GALNT13: variants seen among roughly 807,000 people sequenced by gnomAD.
GALNT13 encodes polypeptide N-acetylgalactosaminyltransferase 13.
Under a neutral mutation model 64.2 loss-of-function variants are expected in GALNT13, and 28 were observed. The observed-to-expected ratio is 0.44, with a 90% CI of 0.32 to 0.60. The LOEUF is 0.60. Ranked by LOEUF, GALNT13 falls within the 20% of genes least tolerant of loss-of-function variation. GALNT13 has a pLI of 0.05. For missense variants in GALNT13, 577 were observed against 669.8 expected, an observed-to-expected ratio of 0.86 and a Z score of 1.53; for synonymous variants, 214 against 224.6, an observed-to-expected ratio of 0.95 and a Z score of 0.42.
intron 3 of GALNT13, among the ~76,000 whole-genome samples, chr2:153,997,436 T>A (rs926870031): frequency 6.6e-6 from 1 of 151,074 alleles, no homozygotes; most frequent in Non-Finnish European, 1.5e-5. Context: ...TTTTGGCTAT[T>A]ATAAATGGGG....
chr2:153,794,452 G>A, the GALNT13 span, among the ~76,000 whole-genome samples: 2 of 151,792 alleles, frequency 1.3e-5, no homozygotes, highest in African/African-American at 2.4e-5. Context: ...CACAATTGTG[G>A]TTAAAAATTT....
the GALNT13 span, among the ~76,000 whole-genome samples, chr2:153,338,005 T>C: frequency 9.2e-5 from 14 of 152,328 alleles, no homozygotes; most frequent in Admixed American, 8.5e-4. Flanking sequence ...TACCGTATAA[T>C]CATTATCAAA....
intron 4 of GALNT13, among the ~76,000 whole-genome samples, chr2:154,190,962 T>C (rs180908124): frequency 3.3e-5 from 5 of 152,340 alleles, no homozygotes; most frequent in Admixed American, 3.3e-4. Flanking sequence ...TTATACTTAA[T>C]GGACATCTCA....
At chr2:154,396,574 A>C (rs916114970) in intron 10 of GALNT13, among the ~76,000 whole-genome samples, 2 of 152,310 alleles carry the variant, frequency 1.3e-5, no homozygotes, top group South Asian at 2.1e-4. Flanking sequence ...TCCAAGCAAA[A>C]TCAAGTAATG....
intron 9 of GALNT13, among the ~76,000 whole-genome samples, chr2:154,342,051 A>C (rs904075393): frequency 2.0e-5 from 3 of 152,046 alleles, no homozygotes; most frequent in Non-Finnish European, 4.4e-5. Context: ...GTTTAGGAAG[A>C]AGATTGAGTC....
At chr2:153,169,735 A>G in the GALNT13 span, among the ~76,000 whole-genome samples, 1 of 152,112 alleles carries the variant, frequency 6.6e-6, no homozygotes, top group Admixed American at 6.5e-5. Flanking sequence ...AGACACATAG[A>G]GTTGAAACCT....
chr2:153,193,149 C>T, the GALNT13 span, among the ~76,000 whole-genome samples: 9 of 151,760 alleles, frequency 5.9e-5, no homozygotes, highest in African/African-American at 1.9e-4. Flanking sequence ...CACATGCACA[C>T]GTATATTTAT....
At chr2:153,794,974 T>A in the GALNT13 span, among the ~76,000 whole-genome samples, 1 of 152,192 alleles carries the variant, frequency 6.6e-6, no homozygotes, top group Non-Finnish European at 1.5e-5. Context: ...GTTAGTTCCA[T>A]TTTTTTCTTT....
At chr2:153,533,735 T>TTTTTTTTTTTTTTTTTTTTTTTTG in the GALNT13 span, among the ~76,000 whole-genome samples, 1 of 112,738 alleles carries the variant, frequency 8.9e-6, no homozygotes, top group Non-Finnish European at 2.0e-5. Context: ...TTTTTTTTTT[T>TTTTTTTTTTTTTTTTTTTTTTTTG]TTTTTTTTTT....
chr2:153,325,621 C>T, the GALNT13 span, among the ~76,000 whole-genome samples: 1 of 152,172 alleles, frequency 6.6e-6, no homozygotes, highest in Admixed American at 6.5e-5. Flanking sequence ...CCCACTTTCT[C>T]CTGTGGGCAT....
the GALNT13 span, among the ~76,000 whole-genome samples, chr2:153,314,764 G>A: frequency 0.011 from 1,684 of 151,802 alleles, 14 homozygotes; most frequent in South Asian, 0.023. Flanking sequence ...CCTATGAGAA[G>A]CAACAAAAGC....
At chr2:153,605,856 A>T in the GALNT13 span, among the ~76,000 whole-genome samples, 2 of 152,240 alleles carry the variant, frequency 1.3e-5, no homozygotes, top group East Asian at 3.9e-4. Flanking sequence ...GAAGCTCAGA[A>T]GAGAATAGGG....
chr2:154,150,291 G>T (rs1683908342), intron 4 of GALNT13, among the ~76,000 whole-genome samples: 1 of 152,130 alleles, frequency 6.6e-6, no homozygotes, highest in Non-Finnish European at 1.5e-5. Flanking sequence ...CTTGATCATG[G>T]TGGATAAGCT....
At chr2:153,382,648 AT>A in the GALNT13 span, among the ~76,000 whole-genome samples, 1 of 151,974 alleles carries the variant, frequency 6.6e-6, no homozygotes, top group African/African-American at 2.4e-5. Flanking sequence ...TTTACTTGTT[AT>A]TTGCTTCAAG....
chr2:153,390,007 C>T, the GALNT13 span, among the ~76,000 whole-genome samples: 20 of 152,204 alleles, frequency 1.3e-4, no homozygotes, highest in African/African-American at 4.6e-4. Flanking sequence ...AAGACACATG[C>T]ACACGTATGT....
At chr2:153,885,880 A>G (rs1687139771) in intron 1 of GALNT13, among the ~76,000 whole-genome samples, 1 of 152,108 alleles carries the variant, frequency 6.6e-6, no homozygotes. Context: ...TTCCCACAAA[A>G]AAATTTACTA....
chr2:153,609,576 C>A, the GALNT13 span, among the ~76,000 whole-genome samples: 1 of 152,072 alleles, frequency 6.6e-6, no homozygotes, highest in Non-Finnish European at 1.5e-5. Context: ...CCTTTTGTCC[C>A]CAAATCCTTT....
chr2:154,201,636 C>G (rs1442070814), intron 4 of GALNT13, among the ~76,000 whole-genome samples: 1 of 152,106 alleles, frequency 6.6e-6, no homozygotes, highest in Non-Finnish European at 1.5e-5. Context: ...TTCTTTAGAT[C>G]ACATTTTTTA....
At chr2:153,849,298 A>G in the GALNT13 span, among the ~76,000 whole-genome samples, 2 of 152,202 alleles carry the variant, frequency 1.3e-5, no homozygotes, top group Non-Finnish European at 2.9e-5. Context: ...CCTACCAAAC[A>G]ACATACTGAA....
Sources: allele counts gnomAD v4.1 joint callset (sites outside exome capture counted in the v4.1 genomes callset), GRCh38; gene constraint gnomAD v4.1.1; transcripts MANE v1.5; gene names NCBI Gene and HGNC (gene_info 2026-07-23, HGNC 2026-07-21).